The following GPR158 variants were observed in gnomAD, a reference collection of about 807,000 sequenced individuals.
GPR158 encodes G protein-coupled receptor 158, also known as metabotropic glycine receptor.
GPR158 carries 30 observed loss-of-function variants against 78.2 expected under a neutral mutation model. The ratio of observed to expected loss-of-function variants is 0.38; its 90% CI spans 0.29 to 0.52. The LOEUF (loss-of-function observed/expected upper bound fraction) is 0.52, where lower values mean the gene tolerates loss of function less well. Among genes scored for constraint, GPR158 ranks in the 20% least tolerant of loss-of-function variants. GPR158 has a pLI of 0.83. For missense variants in GPR158, 1,463 were observed against 1,523.5 expected, an observed-to-expected ratio of 0.96 and a Z score of 0.66; for synonymous variants, 581 against 591.1, an observed-to-expected ratio of 0.98 and a Z score of 0.25.
At chr10:25,321,679 T>A (rs1854950121) in intron 2 of GPR158, among the ~76,000 whole-genome samples, 2 of 151,468 alleles carry the variant, frequency 1.3e-5, no homozygotes, top group East Asian at 3.9e-4. Flanking sequence ...ACAAACAAAC[T>A]GAATAGACCA....
At chr10:25,181,626 C>T (rs1852611602) in intron 1 of GPR158, among the ~76,000 whole-genome samples, 1 of 152,212 alleles carries the variant, frequency 6.6e-6, no homozygotes, top group African/African-American at 2.4e-5. Context: ...TTTTCAGTTT[C>T]TTCAACTGTA....
At chr10:25,440,774 C>T (rs1343262653) in intron 4 of GPR158, among the ~76,000 whole-genome samples, 1 of 152,124 alleles carries the variant, frequency 6.6e-6, no homozygotes, top group East Asian at 1.9e-4. Context: ...CTCCATAAAG[C>T]ATTCCTAAAT....
chr10:25,215,458 T>C (rs1465894931), intron 1 of GPR158, among the ~76,000 whole-genome samples: 1 of 152,224 alleles, frequency 6.6e-6, no homozygotes, highest in Non-Finnish European at 1.5e-5. Context: ...CACAATAATA[T>C]GTATGAACTC....
intron 5 of GPR158, among the ~76,000 whole-genome samples, chr10:25,477,573 A>G (rs1215694325): frequency 6.6e-6 from 1 of 152,116 alleles, no homozygotes; most frequent in Non-Finnish European, 1.5e-5. Context: ...CAGACAACAG[A>G]AAGTTCCCCC....
At chr10:25,269,760 TG>T (rs1466007491) in intron 2 of GPR158, among the ~76,000 whole-genome samples, 1 of 152,204 alleles carries the variant, frequency 6.6e-6, no homozygotes, top group African/African-American at 2.4e-5. Flanking sequence ...GAAACTGAGC[TG>T]ATGTTGCCAG....
At chr10:25,247,317 CTT>C (rs547318746) in intron 2 of GPR158, among the ~76,000 whole-genome samples, 3 of 140,518 alleles carry the variant, frequency 2.1e-5, no homozygotes, top group Non-Finnish European at 4.7e-5. Flanking sequence ...TTTTTTTTTT[CTT>C]TTTTTTTTAT....
At chr10:25,513,964 C>A (rs555705826) in intron 5 of GPR158, among the ~76,000 whole-genome samples, 1 of 152,118 alleles carries the variant, frequency 6.6e-6, no homozygotes, top group African/African-American at 2.4e-5. Context: ...GAGAATGTTC[C>A]ATGTGCTGAT....
rs1554787299 is a variant in GPR158 at position 25,241,372 on chromosome 10, C to CT, written c.1008+20216dup. Among the ~76,000 whole-genome samples, 30 of 102,952 alleles carry CT rather than the reference C, an allele frequency of 2.9e-4. 1 individual carries two copies. Among genetic ancestry groups the CT allele is most frequent in the African/African-American group, 1.4e-3 (26 of 18,092 alleles). 67.5% of individuals were successfully genotyped at this position (102,952 alleles called of 152,430 possible). On this transcript the variant is annotated intron_variant, in intron 2 of 10. Transcript: ENST00000376351. Reference sequence around the variant, plus strand: ...TCTCTTTTCTTTTCTCTTTTCTTTTCTCTCTTCTCTTCTCTTCTCTTCTCT... The same window carrying CT: ...TCTCTTTTCTTTTCTCTTTTCTTTTCTTCTCTTCTCTTCTCTTCTCTTCTCT...
chr10:25,252,355 G>A (rs1446742135), intron 2 of GPR158, among the ~76,000 whole-genome samples: 2 of 152,312 alleles, frequency 1.3e-5, no homozygotes, highest in East Asian at 3.9e-4. Context: ...TGTTGCTGGT[G>A]AGGAGCTGCG....
At chr10:25,412,163 G>A in intron 3 of GPR158, 87 bp from the exon 4 acceptor site, 1 of 851,070 alleles carries the variant, frequency 1.2e-6, no homozygotes, top group East Asian at 2.4e-5. Context: ...AAAGGAATGA[G>A]GAGTCACGGA....
intron 5 of GPR158, among the ~76,000 whole-genome samples, chr10:25,529,247 C>A (rs1340148814): frequency 6.6e-6 from 1 of 151,946 alleles, no homozygotes; most frequent in Admixed American, 6.6e-5. Context: ...ATTAGCCGGG[C>A]GTGGTGGCGG....
chr10:25,334,252 C>T (rs553151609), intron 2 of GPR158, among the ~76,000 whole-genome samples: 3 of 152,136 alleles, frequency 2.0e-5, no homozygotes, highest in East Asian at 1.9e-4. Context: ...AAAAGTTAGG[C>T]ATTAAACTAT....
chr10:25,294,899 C>A (rs1271447340), intron 2 of GPR158, among the ~76,000 whole-genome samples: 1 of 152,194 alleles, frequency 6.6e-6, no homozygotes, highest in Non-Finnish European at 1.5e-5. Context: ...TCAGATAAAT[C>A]ATCTAGGTGT....
At chr10:25,368,631 G>C (rs987880184) in intron 2 of GPR158, among the ~76,000 whole-genome samples, 35 of 151,852 alleles carry the variant, frequency 2.3e-4, no homozygotes, top group Non-Finnish European at 4.1e-4. Context: ...ATACTCTGTT[G>C]GTGGGAGTGT....
intron 6 of GPR158, among the ~76,000 whole-genome samples, chr10:25,564,878 C>CTGAT (rs1328756450): frequency 1.1e-4 from 17 of 152,272 alleles, no homozygotes; most frequent in African/African-American, 1.9e-4. Context: ...CTTTTATGGA[C>CTGAT]TGATAGACTT....
At chr10:25,371,359 G>A (rs1220015637) in intron 2 of GPR158, among the ~76,000 whole-genome samples, 1 of 151,594 alleles carries the variant, frequency 6.6e-6, no homozygotes, top group Non-Finnish European at 1.5e-5. Flanking sequence ...TTTAGGGCAG[G>A]CCTGGTGGTG....
intron 4 of GPR158, among the ~76,000 whole-genome samples, chr10:25,447,298 A>G (rs917382866): frequency 6.6e-6 from 1 of 152,218 alleles, no homozygotes; most frequent in Non-Finnish European, 1.5e-5. Context: ...TGAATTTTTG[A>G]TAGCTTTTAA....
At chr10:25,509,039 A>G (rs185235752) in intron 5 of GPR158, among the ~76,000 whole-genome samples, 6 of 152,254 alleles carry the variant, frequency 3.9e-5, no homozygotes, top group Admixed American at 2.6e-4. Context: ...CTTTGGCACT[A>G]TTGCCATTTT....
chr10:25,350,125 A>G (rs1045155887), intron 2 of GPR158, among the ~76,000 whole-genome samples: 1 of 122,668 alleles, frequency 8.2e-6, no homozygotes. Context: ...CTGGCTGATT[A>G]AAAAAAAAAA....
Sources: allele counts gnomAD v4.1 joint callset (sites outside exome capture counted in the v4.1 genomes callset), GRCh38; gene constraint gnomAD v4.1.1; transcripts MANE v1.5; gene names NCBI Gene and HGNC (gene_info 2026-07-23, HGNC 2026-07-21).